Variants in CACNG2 observed in about 807,000 individuals in gnomAD.
CACNG2 encodes the protein voltage-dependent calcium channel gamma-2 subunit.
In CACNG2, 3 loss-of-function variants were observed where a neutral mutation model predicts 25.9. The ratio of observed to expected loss-of-function variants is 0.12; its 90% CI spans 0.05 to 0.30. The LOEUF (loss-of-function observed/expected upper bound fraction) is 0.30. Among genes scored for constraint, CACNG2 ranks in the 10% least tolerant of loss-of-function variants. The pLI is 1.00. For missense variants in CACNG2, 341 were observed against 432.5 expected (o/e 0.79, Z 1.88); for synonymous variants, 167 against 173.3 (o/e 0.96, Z 0.29).
In CACNG2 at chr22:36,583,051, T is replaced by G. The variant is rs1322958298; in HGVS notation, c.295+4414A>C. Among the ~76,000 whole-genome samples the G allele has an allele frequency of 3.3e-5, 5 of 152,060 alleles. No homozygotes were observed. The South Asian group carries it at 1.0e-3, about 32-fold the overall frequency. ...CCTGGTGGGGCTCAGGTTGGTCCAG[T>G]TCCTCATGCTGCAGAGGTCTTGGGT... On this transcript the variant is annotated intron_variant, in intron 2 of 3. Coordinates refer to ENST00000300105, the MANE Select transcript of CACNG2 (RefSeq NM_006078.5).
intron 2 of CACNG2, among the ~76,000 whole-genome samples, chr22:36,571,006 A>G (rs1269803462): frequency 6.6e-6 from 1 of 152,174 alleles, no homozygotes; most frequent in East Asian, 1.9e-4. Context: ...AGTTATCAAC[A>G]GTGTGACCCT....
intron 2 of CACNG2, among the ~76,000 whole-genome samples, chr22:36,575,104 T>C (rs994454215): frequency 3.3e-5 from 5 of 152,202 alleles, no homozygotes; most frequent in African/African-American, 1.2e-4. Flanking sequence ...TTTCCTTTTC[T>C]GTAAAATGGA....
At chr22:36,623,965 T>C (rs1936145507) in intron 1 of CACNG2, among the ~76,000 whole-genome samples, 1 of 152,120 alleles carries the variant, frequency 6.6e-6, no homozygotes, top group Non-Finnish European at 1.5e-5. Context: ...ACGGGGTTGG[T>C]CTCAAAGTTC....
At chr22:36,665,054 G>A (rs934886778) in intron 1 of CACNG2, among the ~76,000 whole-genome samples, 1 of 152,160 alleles carries the variant, frequency 6.6e-6, no homozygotes, top group African/African-American at 2.4e-5. Context: ...GACAGGGAGA[G>A]GCTTGTTAAC....
chr22:36,626,045 G>A (rs1274068159), intron 1 of CACNG2, among the ~76,000 whole-genome samples: 6 of 152,058 alleles, frequency 3.9e-5, no homozygotes, highest in African/African-American at 7.2e-5. Flanking sequence ...TCAGCCTCCC[G>A]AGTAGATGGG....
intron 1 of CACNG2, among the ~76,000 whole-genome samples, chr22:36,643,474 G>GTCTGTCTGTCTATCTATCTA (rs561518849): frequency 2.0e-5 from 3 of 149,246 alleles, no homozygotes; most frequent in East Asian, 2.0e-4. Context: ...CTATCTGTCT[G>GTCTGTCTGTCTATCTATCTA]TCTATCTATC....
chr22:36,588,285 A>C (rs1032178638), intron 1 of CACNG2, among the ~76,000 whole-genome samples: 1 of 152,210 alleles, frequency 6.6e-6, no homozygotes, highest in African/African-American at 2.4e-5. Context: ...ATCAGGGCTG[A>C]AACTAGGATC....
chr22:36,646,781 C>G (rs1379415773), intron 1 of CACNG2, among the ~76,000 whole-genome samples: 1 of 150,730 alleles, frequency 6.6e-6, no homozygotes, highest in African/African-American at 2.4e-5. Context: ...CAGCTGCAGA[C>G]ATTGAGCTTC....
At chr22:36,646,538 C>A (rs1936526917) in intron 1 of CACNG2, among the ~76,000 whole-genome samples, 1 of 152,230 alleles carries the variant, frequency 6.6e-6, no homozygotes, top group East Asian at 1.9e-4. Flanking sequence ...ATCCAAGAAG[C>A]CTATTTTAGT....
In CACNG2 at chr22:36,566,414, G is replaced by T. The variant is rs770169924; in HGVS notation, c.375C>A (p.Ser125Arg). Reference protein sequence around the residue: ...LFMGGLCIAASEFYKTRHNII... With the variant: ...LFMGGLCIAAREFYKTRHNII... ...TGTTGTGTCGAGTTTTGTAGAACTC[G>T]CTGGCTGCGATGCAGAGGCCACCCA... is the stretch of plus-strand genomic sequence containing the variant. The change falls in exon 3 of 4, where the codon AGC (serine) becomes AGA (arginine). Residue 125 changes from serine (S) to arginine (R), a missense_variant. Around this residue, in one of 2 missense-constraint regions of CACNG2, gnomAD observed 169 missense variants for 254.4 expected, o/e 0.66. Transcript: ENST00000300105. 6.2e-7 allele frequency: 1 copy of T among 1,614,056 alleles called. No homozygotes were observed. Among genetic ancestry groups the T allele is most frequent in the Non-Finnish European group, 8.5e-7 (1 of 1,179,974 alleles).
chr22:36,676,380 T>C (rs140668571), intron 1 of CACNG2, among the ~76,000 whole-genome samples: 2 of 152,290 alleles, frequency 1.3e-5, no homozygotes, highest in African/African-American at 4.8e-5. Context: ...CTGGAACTAA[T>C]GCAAATGACT....
At chr22:36,658,192 A>AAAT (rs1424075894) in intron 1 of CACNG2, among the ~76,000 whole-genome samples, 1 of 152,212 alleles carries the variant, frequency 6.6e-6, no homozygotes, top group Non-Finnish European at 1.5e-5. Context: ...AGGAGTGAAA[A>AAAT]AATAATGGCC....
At chr22:36,688,135 C>T (rs1360043347) in intron 1 of CACNG2, among the ~76,000 whole-genome samples, 1 of 152,158 alleles carries the variant, frequency 6.6e-6, no homozygotes, top group Non-Finnish European at 1.5e-5. Context: ...GTGACAGACA[C>T]ATGGTCCTCA....
At position 36,563,692 on chromosome 22, in the gene CACNG2, A is replaced by T. The variant is rs9622416; in HGVS notation, c.*659T>A. Among the ~76,000 whole-genome samples the T allele has an allele frequency of 6.6e-6, 1 of 151,568 alleles. No individual in the cohort carries two copies. Among genetic ancestry groups the T allele is most frequent in the East Asian group, 1.9e-4 (1 of 5,148 alleles). ...CGGCTCGAGCTCTGAGCCTTCCTGG[A>T]GTTCCTGGGGCACCCACCCAGGGGC... is the stretch of plus-strand genomic sequence containing the variant. On this transcript the variant is annotated 3_prime_UTR_variant, in exon 4 of 4. Coordinates refer to ENST00000300105, the MANE Select transcript of CACNG2 (RefSeq NM_006078.5).
intron 1 of CACNG2, among the ~76,000 whole-genome samples, chr22:36,612,747 C>G (rs1369008228): frequency 1.3e-5 from 2 of 152,252 alleles, no homozygotes; most frequent in African/African-American, 2.4e-5. Context: ...CCCTCCACCA[C>G]CTTCCAGCTT....
chr22:36,565,088 C>A (rs1935104021), intron 3 of CACNG2, among the ~76,000 whole-genome samples: 1 of 152,186 alleles, frequency 6.6e-6, no homozygotes, highest in Non-Finnish European at 1.5e-5. Flanking sequence ...CAGAGAGAGC[C>A]ACAAGGGAAG....
chr22:36,652,848 A>G (rs1936640866), intron 1 of CACNG2, among the ~76,000 whole-genome samples: 1 of 151,962 alleles, frequency 6.6e-6, no homozygotes, highest in African/African-American at 2.4e-5. Flanking sequence ...TACTTTTCAC[A>G]CCCCATCCCA....
intron 1 of CACNG2, among the ~76,000 whole-genome samples, chr22:36,650,242 C>T (rs1345037387): frequency 2.6e-5 from 4 of 152,240 alleles, no homozygotes; most frequent in African/African-American, 9.6e-5. Context: ...TCAAGGCTAA[C>T]GTCCTCACAG....
At chr22:36,648,057 G>C (rs1419608696) in intron 1 of CACNG2, among the ~76,000 whole-genome samples, 1 of 152,194 alleles carries the variant, frequency 6.6e-6, no homozygotes, top group Non-Finnish European at 1.5e-5. Context: ...GTCTAATAAA[G>C]CAAAAGCCAG....
Sources: allele counts gnomAD v4.1 joint callset (sites outside exome capture counted in the v4.1 genomes callset), GRCh38; gene constraint gnomAD v4.1.1; regional missense constraint gnomAD v4.1.1; transcripts MANE v1.5; gene names NCBI Gene and HGNC (gene_info 2026-07-23, HGNC 2026-07-21).